CEP63: variants seen among roughly 807,000 people sequenced by gnomAD.
The protein encoded by CEP63 is centrosomal protein 63.
In CEP63, 84 loss-of-function variants were observed where a neutral mutation model predicts 89.1. The observed-to-expected ratio is 0.94, with a 90% CI of 0.79 to 1.13. The LOEUF (loss-of-function observed/expected upper bound fraction) is 1.13. Among genes scored for constraint, CEP63 ranks in the 50% most tolerant of loss-of-function variants. CEP63 has a pLI of 0.00. For synonymous variants in CEP63, 267 were observed against 272.5 expected (o/e 0.98, Z 0.20); for missense variants, 838 against 813.3 (o/e 1.03, Z -0.37).
At chr3:134,604,258 T>A in the CEP63 span, 1 of 1,613,806 alleles carries the variant, frequency 6.2e-7, no homozygotes, top group Admixed American at 1.7e-5. Context: ...GTCCACATAA[T>A]TGCACTTGAG....
At chr3:134,502,672 T>G (rs1942356104) in intron 2 of CEP63, among the ~76,000 whole-genome samples, 2 of 152,188 alleles carry the variant, frequency 1.3e-5, no homozygotes. Context: ...TAATGTCACC[T>G]TTGTCATTTC....
At chr3:134,773,501 G>T in the CEP63 span, among the ~76,000 whole-genome samples, 3 of 152,278 alleles carry the variant, frequency 2.0e-5, no homozygotes, top group East Asian at 5.8e-4. Context: ...AAAAATTCAA[G>T]TGCACCCTGC....
At chr3:134,495,169 T>G in intron 1 of CEP63, 127 bp from the exon 2 acceptor site, 2 of 721,430 alleles carry the variant, frequency 2.8e-6, no homozygotes, top group Non-Finnish European at 5.0e-6. Context: ...GCTTCTACAG[T>G]CATCTTAAGA....
chr3:134,485,933 G>A (rs547781314), upstream of CEP63: 22 of 966,516 alleles, frequency 2.3e-5, no homozygotes, highest in African/African-American at 3.5e-4. Context: ...CCTAGGCCGG[G>A]GGCGCTGGAA....
At chr3:134,688,964 A>T in the CEP63 span, among the ~76,000 whole-genome samples, 1 of 152,168 alleles carries the variant, frequency 6.6e-6, no homozygotes, top group Non-Finnish European at 1.5e-5. Context: ...GACCCTGGTG[A>T]TCTCTTCTAA....
the CEP63 span, among the ~76,000 whole-genome samples, chr3:134,639,473 A>T: frequency 6.6e-6 from 1 of 152,220 alleles, no homozygotes; most frequent in Non-Finnish European, 1.5e-5. Flanking sequence ...CGGAAAACAA[A>T]GGACCATTCA....
the CEP63 span, among the ~76,000 whole-genome samples, chr3:134,656,290 G>A: frequency 6.8e-3 from 1,035 of 152,312 alleles, 5 homozygotes; most frequent in Non-Finnish European, 0.011. Flanking sequence ...AATAGGAGGA[G>A]CTGGAAGGAG....
the CEP63 span, among the ~76,000 whole-genome samples, chr3:134,598,622 G>T: frequency 6.6e-6 from 1 of 152,198 alleles, no homozygotes; most frequent in Non-Finnish European, 1.5e-5. Context: ...GTAGCAGGTC[G>T]TGGGAAAGGA....
chr3:134,720,310 C>T, the CEP63 span, among the ~76,000 whole-genome samples: 1 of 151,964 alleles, frequency 6.6e-6, no homozygotes, highest in South Asian at 2.1e-4. Context: ...AAATAGGTTA[C>T]TTTTCTTTTT....
chr3:134,689,042 A>G, the CEP63 span, among the ~76,000 whole-genome samples: 3 of 152,198 alleles, frequency 2.0e-5, no homozygotes, highest in African/African-American at 4.8e-5. Context: ...AAAGGTGTTT[A>G]GTGATGGTTG....
At chr3:134,603,978 A>C in the CEP63 span, 2 of 1,613,930 alleles carry the variant, frequency 1.2e-6, no homozygotes, top group South Asian at 2.2e-5. Flanking sequence ...ACTTGCCTGC[A>C]TGGGGCAGCT....
chr3:134,526,086 G>A (rs556590162), intron 3 of CEP63, among the ~76,000 whole-genome samples: 11 of 152,082 alleles, frequency 7.2e-5, no homozygotes, highest in African/African-American at 2.4e-4. Flanking sequence ...TGTAGATGTG[G>A]CATCTTTACA....
the CEP63 span, among the ~76,000 whole-genome samples, chr3:134,686,129 C>T: frequency 6.6e-5 from 10 of 152,148 alleles, no homozygotes; most frequent in African/African-American, 2.4e-4. Flanking sequence ...ATGGAAAGAA[C>T]CTGGCACAGT....
the CEP63 span, among the ~76,000 whole-genome samples, chr3:134,595,902 C>G: frequency 6.6e-6 from 1 of 152,198 alleles, no homozygotes; most frequent in Non-Finnish European, 1.5e-5. Context: ...TATCAACGGT[C>G]TTCAAGACAG....
chr3:134,588,644 A>T (rs1958536079), downstream of CEP63, among the ~76,000 whole-genome samples: 2 of 152,218 alleles, frequency 1.3e-5, no homozygotes, highest in Admixed American at 1.3e-4. Context: ...AAAGTAAATG[A>T]TCTAAATACT....
At chr3:134,685,500 A>G in the CEP63 span, among the ~76,000 whole-genome samples, 3 of 152,192 alleles carry the variant, frequency 2.0e-5, no homozygotes, top group African/African-American at 7.2e-5. Context: ...TGTATGGGTT[A>G]TAGTCAGTGG....
chr3:134,500,792 C>T (rs896666525), intron 2 of CEP63, among the ~76,000 whole-genome samples: 8 of 152,064 alleles, frequency 5.3e-5, no homozygotes, highest in East Asian at 1.9e-4. Context: ...GTTGTCAGTT[C>T]GCTCTGTCGG....
chr3:134,603,885 G>A, the CEP63 span: 3 of 1,613,902 alleles, frequency 1.9e-6, no homozygotes, highest in Admixed American at 5.0e-5. Flanking sequence ...TCACCTTGGT[G>A]TTGGCACAGC....
chr3:134,658,215 T>C, the CEP63 span, among the ~76,000 whole-genome samples: 3 of 152,352 alleles, frequency 2.0e-5, no homozygotes, highest in East Asian at 3.9e-4. Context: ...TAACCCTTTC[T>C]AATTTTCATT....
Sources: allele counts gnomAD v4.1 joint callset (sites outside exome capture counted in the v4.1 genomes callset), GRCh38; gene constraint gnomAD v4.1.1; transcripts MANE v1.5; gene names NCBI Gene and HGNC (gene_info 2026-07-23, HGNC 2026-07-21).